Variants in MCTP2 observed in about 807,000 individuals in gnomAD.
The protein encoded by MCTP2 is multiple C2 and transmembrane domain-containing protein 2.
MCTP2 carries 132 observed loss-of-function variants against 111.6 expected under a neutral mutation model. The ratio of observed to expected loss-of-function variants is 1.18; its 90% confidence interval spans 1.03 to 1.37. MCTP2 has a LOEUF of 1.37. Among genes scored for constraint, MCTP2 ranks in the 40% most tolerant of loss-of-function variants. The pLI, the probability that MCTP2 is intolerant of heterozygous loss-of-function variation, is 0.00. For missense variants in MCTP2, 1,183 were observed against 1,067.9 expected (o/e 1.11, Z -1.50); for synonymous variants, 395 against 387.7 (o/e 1.02, Z -0.22).
chr15:94,385,618 G>C, intron 14 of MCTP2, 93 bp downstream of exon 14: 1 of 855,844 alleles, frequency 1.2e-6, no homozygotes, highest in Non-Finnish European at 1.9e-6. Context: ...TCAACCTGGG[G>C]GAAAAAAATC....
intron 1 of MCTP2, 49 bp from the exon 2 acceptor site, chr15:94,298,152 T>G (rs936149236): frequency 3.3e-5 from 12 of 365,400 alleles, no homozygotes; most frequent in South Asian, 1.1e-4. Flanking sequence ...AAGGTTCATG[T>G]TTTTTTTTTT....
chr15:94,347,952 G>A lies in MCTP2; in HGVS notation c.1005+2788G>A, dbSNP rs189404930. 4.8e-3 allele frequency among the ~76,000 whole-genome samples: 735 copies of A among 152,022 alleles called. 4 individuals carry two copies. The highest frequency in any genetic ancestry group is 0.017 in the African/African-American group (705 of 41,442). On this transcript the variant is annotated intron_variant, in intron 8 of 22. Transcript: ENST00000357742. ...CCACACCCCCTGCTATTATTTGGGT[G>A]TGTATAGGTGTTATGTCTGACTACA...
chr15:94,257,580 T>TTTTTTTG, intron 1 of MCTP2, among the ~76,000 whole-genome samples: 1 of 18,824 alleles, frequency 5.3e-5, no homozygotes, highest in South Asian at 2.7e-3. Context: ...TTTTTTTTTT[T>TTTTTTTG]TTTTTTTTTT....
intron 17 of MCTP2, among the ~76,000 whole-genome samples, chr15:94,407,730 C>T (rs1201437281): frequency 6.6e-6 from 1 of 151,154 alleles, no homozygotes; most frequent in Non-Finnish European, 1.5e-5. Flanking sequence ...TTAAAAACAA[C>T]AGTAGCAGTA....
intron 17 of MCTP2, among the ~76,000 whole-genome samples, chr15:94,414,410 C>T (rs1482495674): frequency 6.6e-6 from 1 of 152,146 alleles, no homozygotes; most frequent in Non-Finnish European, 1.5e-5. Flanking sequence ...TTGCAGCCTT[C>T]ATATAAAAAA....
In MCTP2 at chr15:94,480,334, T is replaced by TTC. The variant is rs2074664891; in HGVS notation, c.*1300_*1301insTC. On this transcript the variant is annotated 3_prime_UTR_variant, in exon 23 of 23. Coordinates refer to ENST00000357742, the MANE Select transcript of MCTP2 (RefSeq NM_001385001.1). The stretch of plus-strand genomic sequence containing the variant: ...AGTGAGTTCACTATTTTTTTTTTTT[T>TTC]GTCTCTGGGTTGTAATTTAATAATC... 1 of 151,880 alleles carries TTC rather than the reference T, an allele frequency of 6.6e-6. No individual in the cohort carries two copies. Among genetic ancestry groups the TTC allele is most frequent in the African/African-American group, 2.4e-5 (1 of 41,336 alleles). The allele number at this position is 151,880 out of a possible 1,614,324, so 9.4% of individuals were successfully genotyped here. A position where few individuals can be genotyped will look rare whatever the true frequency, so the allele number is the denominator to read the frequency against.
At position 94,255,353 on chromosome 15, in the gene MCTP2, T is replaced by G. The variant is rs116964309; in HGVS notation, c.-66+23689T>G. ...TGGAAGATCTCTTTAGTTTTCGTAG[T>G]GTTTCTAGTATCAAATCTAGAGAGA... On this transcript the variant is annotated intron_variant, in intron 1 of 22. Transcript: ENST00000357742. 1.0e-3 allele frequency among the ~76,000 whole-genome samples: 152 copies of G among 152,330 alleles called. 3 individuals are homozygous for G. In the East Asian group the frequency reaches 0.028, roughly 28 times the overall value.
chr15:94,342,012 C>G (rs550551905), intron 7 of MCTP2: 1 of 152,192 alleles, frequency 6.6e-6, no homozygotes, highest in South Asian at 2.1e-4. Flanking sequence ...GTCAGTGATA[C>G]AGTAGGTGAC....
intron 1 of MCTP2, among the ~76,000 whole-genome samples, chr15:94,297,028 C>T (rs1026539998): frequency 1.3e-5 from 2 of 152,196 alleles, no homozygotes; most frequent in Non-Finnish European, 2.9e-5. Context: ...TGGGGCACAA[C>T]AGCCAGGGTC....
intron 2 of MCTP2, among the ~76,000 whole-genome samples, chr15:94,303,254 G>C (rs963012573): frequency 2.6e-5 from 4 of 151,394 alleles, no homozygotes; most frequent in African/African-American, 9.7e-5. Context: ...ACAGGCTGAG[G>C]AGCAAGCAGT....
At chr15:94,348,550 G>A (rs1031134737) in intron 8 of MCTP2, among the ~76,000 whole-genome samples, 11 of 75,100 alleles carry the variant, frequency 1.5e-4, no homozygotes, top group African/African-American at 5.7e-4. Flanking sequence ...ACCAGGAGAC[G>A]TTTTTTGATT....
intron 14 of MCTP2, among the ~76,000 whole-genome samples, chr15:94,390,930 A>T (rs981635863): frequency 2.0e-5 from 3 of 151,958 alleles, no homozygotes; most frequent in Admixed American, 6.6e-5. Flanking sequence ...AGGTTTCACC[A>T]TGTTGGCCAG....
intron 9 of MCTP2, among the ~76,000 whole-genome samples, chr15:94,357,932 G>A (rs2078720652): frequency 6.6e-6 from 1 of 152,174 alleles, no homozygotes; most frequent in African/African-American, 2.4e-5. Context: ...GGCTGCAGTG[G>A]AATTTCCTAG....
chr15:94,393,876 C>T (rs957992003), intron 14 of MCTP2, among the ~76,000 whole-genome samples: 2 of 151,608 alleles, frequency 1.3e-5, no homozygotes, highest in African/African-American at 4.8e-5. Flanking sequence ...ATGGTGAAAC[C>T]TTGTCTCTAC....
chr15:94,463,424 A>G (rs1035897598), intron 20 of MCTP2, among the ~76,000 whole-genome samples: 2 of 152,170 alleles, frequency 1.3e-5, no homozygotes, highest in Non-Finnish European at 2.9e-5. Flanking sequence ...TATAGACATG[A>G]AATTAATTTT....
At chr15:94,376,375 A>T (rs1356860906) in intron 12 of MCTP2, among the ~76,000 whole-genome samples, 1 of 152,158 alleles carries the variant, frequency 6.6e-6, no homozygotes, top group African/African-American at 2.4e-5. Flanking sequence ...TTTTGTTTGT[A>T]TGATAGCTGT....
intron 20 of MCTP2, among the ~76,000 whole-genome samples, chr15:94,460,335 G>A (rs554913840): frequency 2.0e-5 from 3 of 152,312 alleles, no homozygotes; most frequent in South Asian, 2.1e-4. Flanking sequence ...TTGTGCAAAC[G>A]CTCAAAGCCC....
intron 7 of MCTP2, chr15:94,341,985 G>A (rs371427167): frequency 1.8e-4 from 27 of 152,224 alleles, no homozygotes; most frequent in South Asian, 1.0e-3. Flanking sequence ...TGCTGCATCC[G>A]TGACTCTGGA....
chr15:94,259,140 C>G (rs753996640), intron 1 of MCTP2, among the ~76,000 whole-genome samples: 12 of 152,194 alleles, frequency 7.9e-5, no homozygotes, highest in Admixed American at 7.2e-4. Context: ...CCCTTCACCC[C>G]ACCCAGCCTA....
Sources: allele counts gnomAD v4.1 joint callset (sites outside exome capture counted in the v4.1 genomes callset), GRCh38; gene constraint gnomAD v4.1.1; transcripts MANE v1.5; gene names NCBI Gene and HGNC (gene_info 2026-07-23, HGNC 2026-07-21).